CTNNA1: variants seen among roughly 807,000 people sequenced by gnomAD.
CTNNA1 encodes catenin alpha-1.
CTNNA1 carries 37 observed loss-of-function variants against 98.4 expected under a neutral mutation model. That is an observed-to-expected ratio of 0.38 (90% CI 0.29 to 0.49). The LOEUF is 0.49. Ranked by LOEUF, CTNNA1 falls within the 20% of genes least tolerant of loss-of-function variation. The pLI is 0.95. For missense variants in CTNNA1, 761 were observed against 1,147.2 expected (o/e 0.66, Z 4.86); for synonymous variants, 404 against 413.2 (o/e 0.98, Z 0.27).
intron 9 of CTNNA1, among the ~76,000 whole-genome samples, chr5:138,902,112 A>G (rs1211689584): frequency 6.6e-6 from 1 of 152,236 alleles, no homozygotes; most frequent in Non-Finnish European, 1.5e-5. Flanking sequence ...CAAGTCTTCC[A>G]TAACCTTTGT....
intron 1 of CTNNA1, among the ~76,000 whole-genome samples, chr5:138,769,779 C>T (rs555537712): frequency 9.9e-4 from 150 of 152,038 alleles, no homozygotes; most frequent in African/African-American, 3.3e-3. Context: ...GTGATCCGCC[C>T]GCCTCGGCCT....
chr5:138,783,828 T>C (rs1755396413), intron 3 of CTNNA1, among the ~76,000 whole-genome samples: 1 of 152,186 alleles, frequency 6.6e-6, no homozygotes, highest in Non-Finnish European at 1.5e-5. Context: ...ACTCTGAAAA[T>C]ACTCTAGAAA....
intron 7 of CTNNA1, among the ~76,000 whole-genome samples, chr5:138,884,725 C>T (rs956145621): frequency 3.9e-5 from 6 of 152,108 alleles, no homozygotes; most frequent in African/African-American, 1.4e-4. Flanking sequence ...GAGGCACATC[C>T]AACTCCCTCC....
chr5:138,771,240 T>G (rs569768946), intron 1 of CTNNA1, among the ~76,000 whole-genome samples: 258 of 152,156 alleles, frequency 1.7e-3, no homozygotes, highest in African/African-American at 6.0e-3. Flanking sequence ...TTTTGTCCTT[T>G]GATGAGTGCC....
At chr5:138,763,685 G>C (rs1020261973) in intron 1 of CTNNA1, among the ~76,000 whole-genome samples, 1 of 152,208 alleles carries the variant, frequency 6.6e-6, no homozygotes, top group Non-Finnish European at 1.5e-5. Context: ...TGTGAAATAT[G>C]ATGGTGCAGT....
At chr5:138,837,226 A>AG (rs1761861228) in intron 7 of CTNNA1, among the ~76,000 whole-genome samples, 1 of 152,162 alleles carries the variant, frequency 6.6e-6, no homozygotes, top group African/African-American at 2.4e-5. Context: ...CTTTTCTTGC[A>AG]GTGTATATCA....
chr5:138,933,063 G>T (rs1016049280), intron 17 of CTNNA1: 53 of 713,630 alleles, frequency 7.4e-5, no homozygotes, highest in Non-Finnish European at 1.3e-4. Context: ...GAGCCTGGGA[G>T]ATGGAGGTTG....
chr5:138,796,766 A>G (rs1757024392), intron 3 of CTNNA1, among the ~76,000 whole-genome samples: 1 of 152,180 alleles, frequency 6.6e-6, no homozygotes, highest in Non-Finnish European at 1.5e-5. Flanking sequence ...CTTCTCCTGG[A>G]AGCTTTTGTC....
chr5:138,795,879 C>G (rs563737181), intron 3 of CTNNA1, among the ~76,000 whole-genome samples: 3 of 152,026 alleles, frequency 2.0e-5, no homozygotes, highest in Non-Finnish European at 4.4e-5. Flanking sequence ...TGAAAACTTA[C>G]AATTTTGTAT....
At chr5:138,810,323 AC>A in intron 4 of CTNNA1, 119 bp downstream of exon 4, 4 of 1,057,500 alleles carry the variant, frequency 3.8e-6, no homozygotes, top group Non-Finnish European at 5.5e-6. Context: ...ATCTCAATGG[AC>A]CAGAGATGTT....
chr5:138,772,203 A>G lies in CTNNA1; in HGVS notation c.-2-9720A>G, dbSNP rs147211106. Among the ~76,000 whole-genome samples, 443 of 152,334 alleles carry G rather than the reference A, an allele frequency of 2.9e-3. 3 individuals carry two copies. Among genetic ancestry groups the G allele is most frequent in the African/African-American group, 0.01 (416 of 41,578 alleles). On this transcript the variant is annotated intron_variant, in intron 1 of 17. Transcript: ENST00000302763. ...TGTAGATTGCTAGCTAAATGATTGC[A>G]TCTCTGCCCCTTTCTGAATTTATAG...
chr5:138,890,486 A>C (rs1462179924), intron 9 of CTNNA1, among the ~76,000 whole-genome samples: 2 of 152,294 alleles, frequency 1.3e-5, no homozygotes, highest in South Asian at 4.1e-4. Context: ...AACTCATAGA[A>C]TATTTTATTA....
intron 9 of CTNNA1, 49 bp from the exon 10 acceptor site, chr5:138,904,300 T>C (rs759368625): frequency 6.4e-7 from 1 of 1,572,572 alleles, no homozygotes; most frequent in South Asian, 1.2e-5. Context: ...GTTTTTTCCT[T>C]AGCAGTCAAA....
chr5:138,922,688 G>C (rs1033880322), intron 11 of CTNNA1, among the ~76,000 whole-genome samples: 1 of 152,152 alleles, frequency 6.6e-6, no homozygotes, highest in Non-Finnish European at 1.5e-5. Flanking sequence ...TTGAACAGTG[G>C]ACTCGCACCT....
At chr5:138,809,109 C>T (rs1319680607) in intron 3 of CTNNA1, among the ~76,000 whole-genome samples, 1 of 152,168 alleles carries the variant, frequency 6.6e-6, no homozygotes, top group East Asian at 1.9e-4. Context: ...CTTGGCCTCA[C>T]AAAGCGCCGA....
At position 138,799,229 on chromosome 5, in the gene CTNNA1, C is replaced by T. The variant is rs182381273; in HGVS notation, c.302-10809C>T. Among the ~76,000 whole-genome samples, 26 of 152,188 alleles carry T rather than the reference C, an allele frequency of 1.7e-4. 1 individual carries two copies. The East Asian group carries it at 4.8e-3, about 28-fold the overall frequency. On this transcript the variant is annotated intron_variant, in intron 3 of 17. Transcript: ENST00000302763. ...AGGCTGGAGTGCAATGGCGTGACCT[C>T]GGTTCACTGCAACCTCTGCCTTCCG...
chr5:138,831,632 G>A (rs1581194780), intron 7 of CTNNA1, among the ~76,000 whole-genome samples: 1 of 151,262 alleles, frequency 6.6e-6, no homozygotes, highest in East Asian at 1.9e-4. Flanking sequence ...CTTTGCTGAA[G>A]GCCATTTCAA....
rs745786028 is a variant in CTNNA1 at position 138,873,757 on chromosome 5, G to T, written c.1063-12455G>T. ...GCATCGTTTCAAACACTGTCAAGTC[G>T]ATGGCTTTGATTTCATTTCCAGTCA... On this transcript the variant is annotated intron_variant, in intron 7 of 17. Transcript: ENST00000302763. This position sits in a 1 kb window ranked among gnomAD's most constrained non-coding sequence, Gnocchi z 6.1. 1.2e-6 allele frequency: 2 copies of T among 1,614,000 alleles called. No individual in the cohort carries two copies. The highest frequency in any genetic ancestry group is 1.1e-5 in the South Asian group (1 of 91,088).
intron 7 of CTNNA1, among the ~76,000 whole-genome samples, chr5:138,844,637 T>C (rs533305933): frequency 6.6e-6 from 1 of 152,316 alleles, no homozygotes; most frequent in East Asian, 1.9e-4. Context: ...GTCTCTTTCC[T>C]TTTCTTTGGT....
Sources: allele counts gnomAD v4.1 joint callset (sites outside exome capture counted in the v4.1 genomes callset), GRCh38; gene constraint gnomAD v4.1.1; non-coding constraint Gnocchi (gnomAD v3.1); transcripts MANE v1.5; gene names NCBI Gene and HGNC (gene_info 2026-07-23, HGNC 2026-07-21).